GALNT13: variants seen among roughly 807,000 people sequenced by gnomAD.
GALNT13 encodes the protein UDP-GalNAc:polypeptide N-acetylgalactosaminyltransferase 13.
Under a neutral mutation model 64.2 loss-of-function variants are expected in GALNT13, and 28 were observed. The observed-to-expected ratio is 0.44, with a 90% CI of 0.32 to 0.60. The LOEUF (loss-of-function observed/expected upper bound fraction) is 0.60, where lower values mean the gene tolerates loss of function less well. Ranked by LOEUF, GALNT13 falls within the 20% of genes least tolerant of loss-of-function variation. GALNT13 has a pLI of 0.05. For missense variants in GALNT13, 577 were observed against 669.8 expected (o/e 0.86, Z 1.53); for synonymous variants, 214 against 224.6 (o/e 0.95, Z 0.42).
the GALNT13 span, among the ~76,000 whole-genome samples, chr2:153,486,960 G>A: frequency 6.6e-6 from 1 of 152,186 alleles, no homozygotes; most frequent in Admixed American, 6.5e-5. Flanking sequence ...GCAGGTGGCT[G>A]CAAGGAGGCA....
Position 154,286,133 on chromosome 2 carries a change from G to C in GALNT13, c.976-15276G>C, listed in dbSNP as rs561208278. Among the ~76,000 whole-genome samples, 24 of 152,294 alleles carry C rather than the reference G, an allele frequency of 1.6e-4. No homozygotes were observed. In the South Asian group the frequency reaches 4.8e-3, roughly 30 times the overall value. ...TATAAGATCGTGTCATCAGCAAACAGAGATAATTTCACTTCTTCTTTTCAT... is the reference window on the plus strand; with the variant it reads ...TATAAGATCGTGTCATCAGCAAACACAGATAATTTCACTTCTTCTTTTCAT... On this transcript the variant is annotated intron_variant, in intron 8 of 12. Coordinates refer to ENST00000392825, the MANE Select transcript of GALNT13 (RefSeq NM_052917.4).
the GALNT13 span, among the ~76,000 whole-genome samples, chr2:153,531,339 G>T: frequency 1.3e-5 from 2 of 152,138 alleles, no homozygotes; most frequent in Non-Finnish European, 2.9e-5. Flanking sequence ...GTGTTACATG[G>T]CTGGAGTAGG....
chr2:153,561,998 G>C, the GALNT13 span, among the ~76,000 whole-genome samples: 4 of 145,966 alleles, frequency 2.7e-5, no homozygotes, highest in Non-Finnish European at 4.5e-5. Flanking sequence ...TCACACTTTT[G>C]CCCCTTTTCT....
At chr2:153,624,310 A>C in the GALNT13 span, among the ~76,000 whole-genome samples, 1 of 152,130 alleles carries the variant, frequency 6.6e-6, no homozygotes, top group Non-Finnish European at 1.5e-5. Context: ...TATTGGGCAC[A>C]GAATCACTCC....
intron 3 of GALNT13, among the ~76,000 whole-genome samples, chr2:154,025,373 G>A (rs1697879097): frequency 6.6e-6 from 1 of 152,122 alleles, no homozygotes; most frequent in South Asian, 2.1e-4. Flanking sequence ...TCACCATCTG[G>A]AAGTAGCTTT....
chr2:154,200,891 A>G (rs1157413645), intron 4 of GALNT13, among the ~76,000 whole-genome samples: 1 of 152,168 alleles, frequency 6.6e-6, no homozygotes, highest in Non-Finnish European at 1.5e-5. Context: ...ATTTATTTTG[A>G]ACTGAAGAGG....
intron 11 of GALNT13, among the ~76,000 whole-genome samples, chr2:154,429,672 G>A (rs1040976630): frequency 6.6e-6 from 1 of 152,240 alleles, no homozygotes; most frequent in African/African-American, 2.4e-5. Context: ...GATTTTCAAT[G>A]TAGATAAAAC....
At chr2:153,824,112 A>T in the GALNT13 span, among the ~76,000 whole-genome samples, 1 of 152,192 alleles carries the variant, frequency 6.6e-6, no homozygotes, top group African/African-American at 2.4e-5. Context: ...AAAAGCCATA[A>T]ACAACAAATG....
chr2:153,802,787 A>G, the GALNT13 span, among the ~76,000 whole-genome samples: 6 of 152,246 alleles, frequency 3.9e-5, no homozygotes, highest in Non-Finnish European at 7.3e-5. Flanking sequence ...ACAGCATTAC[A>G]GAAACCAAAA....
At chr2:153,146,232 A>T in the GALNT13 span, among the ~76,000 whole-genome samples, 1 of 151,030 alleles carries the variant, frequency 6.6e-6, no homozygotes, top group East Asian at 2.0e-4. Flanking sequence ...GGAGAGTAGG[A>T]TCAGATCCTG....
At chr2:153,143,691 A>G in the GALNT13 span, among the ~76,000 whole-genome samples, 1 of 152,050 alleles carries the variant, frequency 6.6e-6, no homozygotes, top group Non-Finnish European at 1.5e-5. Context: ...TACAAATGTT[A>G]CTAGTTGAAG....
chr2:153,872,622 G>T lies in GALNT13; in HGVS notation c.-177+319G>T, dbSNP rs993441560. On this transcript the variant is annotated intron_variant, in intron 1 of 12. Transcript: ENST00000392825. ...TACCCCGGTGAGTTGTTGGTGGCGG[G>T]GGGGGGGGGGGGAGCGGCTCTGGCC... Among the ~76,000 whole-genome samples the T allele has an allele frequency of 3.1e-5, 3 of 95,832 alleles. 1 individual carries two copies. Among genetic ancestry groups the T allele is most frequent in the Non-Finnish European group, 6.9e-5 (3 of 43,502 alleles). 62.9% of individuals were successfully genotyped at this position (95,832 alleles called of 152,430 possible).
At chr2:153,265,934 A>T in the GALNT13 span, among the ~76,000 whole-genome samples, 1 of 152,220 alleles carries the variant, frequency 6.6e-6, no homozygotes, top group African/African-American at 2.4e-5. Context: ...TGTGGGTAAA[A>T]TGCTACTAAA....
At chr2:153,075,632 G>T in the GALNT13 span, among the ~76,000 whole-genome samples, 1 of 151,992 alleles carries the variant, frequency 6.6e-6, no homozygotes, top group Admixed American at 6.6e-5. Context: ...TTAAGGAATT[G>T]AGTTTTTTAT....
chr2:153,279,131 G>A, the GALNT13 span, among the ~76,000 whole-genome samples: 4 of 152,040 alleles, frequency 2.6e-5, no homozygotes, highest in East Asian at 1.9e-4. Context: ...TTGTGAATGG[G>A]GTTGCATTCT....
At chr2:153,575,507 C>T in the GALNT13 span, among the ~76,000 whole-genome samples, 3 of 152,144 alleles carry the variant, frequency 2.0e-5, no homozygotes, top group East Asian at 1.9e-4. Context: ...GTGTGGGAGT[C>T]AGGGGCTAGA....
intron 9 of GALNT13, among the ~76,000 whole-genome samples, chr2:154,395,604 GA>G (rs1389650212): frequency 6.6e-6 from 1 of 152,186 alleles, no homozygotes; most frequent in Non-Finnish European, 1.5e-5. Context: ...ACTCTATAGG[GA>G]AAGTGTGAAT....
chr2:153,300,862 TATTA>T, the GALNT13 span, among the ~76,000 whole-genome samples: 1 of 152,218 alleles, frequency 6.6e-6, no homozygotes, highest in African/African-American at 2.4e-5. Flanking sequence ...ATCACACTGA[TATTA>T]ATTATAAAAT....
At chr2:153,709,060 A>G in the GALNT13 span, among the ~76,000 whole-genome samples, 8 of 152,080 alleles carry the variant, frequency 5.3e-5, no homozygotes, top group African/African-American at 1.9e-4. Flanking sequence ...AAATTACATG[A>G]CATTGGTCTG....
Sources: gnomAD v4.1 joint callset for allele counts (sites outside exome capture counted in the v4.1 genomes callset) on GRCh38, gnomAD v4.1.1 for gene constraint, MANE v1.5 for transcripts, NCBI Gene and HGNC (gene_info 2026-07-23, HGNC 2026-07-21) for gene names.